DEFB110: variants seen among roughly 807,000 people sequenced by gnomAD.
DEFB110 encodes defensin beta 110.
DEFB110 carries 4 observed loss-of-function variants against 2.5 expected under a neutral mutation model. The observed-to-expected ratio is 1.60, with a 90% CI of 0.79 to 3.66. The LOEUF is 3.66. DEFB110 is among the 30% of genes most tolerant of loss of function. The probability of loss-of-function intolerance (pLI) is 0.01; values close to 1 mark genes in which losing one functional copy is unlikely to be tolerated. For synonymous variants in DEFB110, 29 were observed against 21.8 expected (o/e 1.33, Z -0.92); for missense variants, 94 against 75.4 (o/e 1.25, Z -0.91).
chr6:50,021,819 A>G, intron 1 of DEFB110, 62 bp downstream of exon 1: 1 of 1,448,268 alleles, frequency 6.9e-7, no homozygotes, highest in Non-Finnish European at 9.3e-7. Context: ...TTTTTTATCA[A>G]GAAACAACTT....
chr6:50,015,502 A>G (rs2113939701), downstream of DEFB110, among the ~76,000 whole-genome samples: 1 of 151,830 alleles, frequency 6.6e-6, no homozygotes, highest in East Asian at 1.9e-4. Context: ...TGTTCCCCAC[A>G]CATTCCAGGT....
intron 1 of DEFB110, among the ~76,000 whole-genome samples, chr6:50,020,376 T>G (rs555460309): frequency 6.6e-6 from 1 of 152,236 alleles, no homozygotes; most frequent in African/African-American, 2.4e-5. Context: ...AGTCAAAATT[T>G]TTTTATTTTA....
chr6:50,019,795 G>A (rs960993196), intron 1 of DEFB110, among the ~76,000 whole-genome samples: 1 of 150,944 alleles, frequency 6.6e-6, no homozygotes, highest in African/African-American at 2.4e-5. Context: ...AACAATTTCT[G>A]TCAATTACTG....
At chr6:50,016,722 AG>A (rs898716256), downstream of DEFB110, among the ~76,000 whole-genome samples, 1 of 151,474 alleles carries the variant, frequency 6.6e-6, no homozygotes, top group Non-Finnish European at 1.5e-5. Flanking sequence ...AGATTTCCTC[AG>A]GAAAAAAAAA....
intron 1 of DEFB110, among the ~76,000 whole-genome samples, chr6:50,021,162 C>A (rs1222861613): frequency 6.6e-6 from 1 of 152,090 alleles, no homozygotes; most frequent in Non-Finnish European, 1.5e-5. Flanking sequence ...CAATTGGATG[C>A]CAAGCTCAAG....
intron 1 of DEFB110, among the ~76,000 whole-genome samples, chr6:50,013,451 C>T (rs1053922533): frequency 6.6e-6 from 1 of 151,680 alleles, no homozygotes; most frequent in South Asian, 2.1e-4. Context: ...TCAAACTGTG[C>T]ACAGGTGGCA....
chr6:50,019,398 C>T (rs1032250729), intron 1 of DEFB110, among the ~76,000 whole-genome samples: 11 of 152,040 alleles, frequency 7.2e-5, no homozygotes, highest in Admixed American at 5.9e-4. Context: ...AAAAAAGTGA[C>T]CATAATTTAT....
intron 1 of DEFB110, among the ~76,000 whole-genome samples, chr6:50,013,110 T>G (rs992181692): frequency 2.6e-5 from 4 of 151,874 alleles, no homozygotes; most frequent in African/African-American, 9.7e-5. Flanking sequence ...TTGGATTTAT[T>G]ACTCCAATAA....
downstream of DEFB110, among the ~76,000 whole-genome samples, chr6:50,018,326 C>A (rs903530830): frequency 6.6e-6 from 1 of 151,830 alleles, no homozygotes; most frequent in East Asian, 1.9e-4. Context: ...CAGTTATTTT[C>A]TCCTCTTCTT....
intron 1 of DEFB110, among the ~76,000 whole-genome samples, chr6:50,012,094 G>A (rs1378167716): frequency 1.3e-5 from 2 of 152,124 alleles, no homozygotes; most frequent in South Asian, 4.1e-4. Context: ...AGCCTTCAAA[G>A]TCAGGTTATT....
downstream of DEFB110, among the ~76,000 whole-genome samples, chr6:50,014,742 T>C (rs1774288199): frequency 6.6e-6 from 1 of 151,698 alleles, no homozygotes; most frequent in Admixed American, 6.6e-5. Flanking sequence ...AATTCAATGA[T>C]CCAATTGAAG....
intron 1 of DEFB110, among the ~76,000 whole-genome samples, chr6:50,010,182 T>C (rs1197209842): frequency 6.6e-6 from 1 of 151,986 alleles, no homozygotes; most frequent in East Asian, 1.9e-4. Context: ...GAGTATTAAA[T>C]GTTGTTATGT....
intron 1 of DEFB110, among the ~76,000 whole-genome samples, chr6:50,019,735 G>A (rs1774386022): frequency 6.6e-6 from 1 of 151,622 alleles, no homozygotes; most frequent in South Asian, 2.1e-4. Flanking sequence ...AATTACCAGT[G>A]ATACCTTTTT....
downstream of DEFB110, among the ~76,000 whole-genome samples, chr6:50,014,363 GAAGAA>G (rs1774281311): frequency 6.6e-6 from 1 of 151,684 alleles, no homozygotes; most frequent in Admixed American, 6.6e-5. Flanking sequence ...GAAATTCGAT[GAAGAA>G]GAGAATAAGG....
intron 1 of DEFB110, among the ~76,000 whole-genome samples, chr6:50,010,746 G>C (rs1774213191): frequency 6.6e-6 from 1 of 151,496 alleles, no homozygotes; most frequent in Admixed American, 6.6e-5. Flanking sequence ...AAGTCAGGAA[G>C]ACAATGATGC....
At chr6:50,009,603 C>T (rs1176106947) in intron 1 of DEFB110, among the ~76,000 whole-genome samples, 1 of 152,112 alleles carries the variant, frequency 6.6e-6, no homozygotes, top group Non-Finnish European at 1.5e-5. Context: ...TGTTGTGATA[C>T]TTTGTTATTG....
chr6:50,009,187 TCAA>T, exon 2 of DEFB110: 1 of 1,611,088 alleles, frequency 6.2e-7, no homozygotes, highest in East Asian at 2.2e-5. Flanking sequence ...ATAATCATAC[TCAA>T]CATCATCACA....
chr6:50,021,892 G>T lies in DEFB110; in HGVS notation c.44C>A (p.Thr15Lys). Residue 15 changes from threonine (T) to lysine (K), a missense_variant, in exon 1 of 2, where the codon ACA (threonine) becomes AAA (lysine). By Grantham distance (78) the Thr-to-Lys change is moderately conservative. Transcript: ENST00000371148. ...LFFFILHFWVTILPAKKKYPE... is the reference protein window; with the variant it reads ...LFFFILHFWVKILPAKKKYPE... ...TATTTGCATATTACCTGGTAAAATTGTGACCCAAAAGTGCAGAATAAAGAA... is the reference window on the plus strand; with the variant it reads ...TATTTGCATATTACCTGGTAAAATTTTGACCCAAAAGTGCAGAATAAAGAA... 9.0e-6 allele frequency: 14 copies of T among 1,554,510 alleles called. No homozygotes were observed. The highest frequency in any genetic ancestry group is 1.1e-5 in the Non-Finnish European group (13 of 1,159,068).
intron 1 of DEFB110, among the ~76,000 whole-genome samples, chr6:50,019,408 T>A (rs1009396917): frequency 2.6e-5 from 4 of 152,102 alleles, no homozygotes; most frequent in East Asian, 3.8e-4. Context: ...CCATAATTTA[T>A]CTTTTGGTCA....
Sources: gnomAD v4.1 joint callset for allele counts (sites outside exome capture counted in the v4.1 genomes callset) on GRCh38, gnomAD v4.1.1 for gene constraint, MANE v1.5 for transcripts, NCBI Gene and HGNC (gene_info 2026-07-23, HGNC 2026-07-21) for gene names.